The following CSNK2A2IP variants were observed in gnomAD, a reference collection of about 807,000 sequenced individuals.
CSNK2A2IP encodes casein kinase 2 subunit alpha' interacting protein.
the CSNK2A2IP span, among the ~76,000 whole-genome samples, chr3:88,457,706 A>AAAAT: frequency 1.4e-4 from 13 of 93,990 alleles, no homozygotes; most frequent in African/African-American, 4.1e-4. Flanking sequence ...AAAATAAAAT[A>AAAAT]AAATAAAATA....
the CSNK2A2IP span, among the ~76,000 whole-genome samples, chr3:88,447,421 T>C: frequency 6.6e-6 from 1 of 152,140 alleles, no homozygotes; most frequent in Non-Finnish European, 1.5e-5. Flanking sequence ...TGTAAAACTC[T>C]TAAAAATATA....
chr3:88,358,678 G>A, the CSNK2A2IP span, among the ~76,000 whole-genome samples: 4 of 152,140 alleles, frequency 2.6e-5, no homozygotes, highest in Non-Finnish European at 5.9e-5. Flanking sequence ...TTGCATCTCT[G>A]TGATGAATCC....
At chr3:88,357,066 C>T in the CSNK2A2IP span, among the ~76,000 whole-genome samples, 6 of 151,912 alleles carry the variant, frequency 3.9e-5, no homozygotes, top group Non-Finnish European at 8.8e-5. Context: ...TGGGTTGTCT[C>T]TTTATTTTGT....
the CSNK2A2IP span, among the ~76,000 whole-genome samples, chr3:88,396,674 G>C: frequency 3.3e-5 from 5 of 152,224 alleles, no homozygotes; most frequent in Non-Finnish European, 7.3e-5. Flanking sequence ...TTTTGCAGGA[G>C]AGATACCTTA....
chr3:88,422,550 A>G, the CSNK2A2IP span, among the ~76,000 whole-genome samples: 3 of 152,228 alleles, frequency 2.0e-5, no homozygotes, highest in Non-Finnish European at 4.4e-5. Flanking sequence ...TCAGCTTTCT[A>G]TTGTAGGGTC....
chr3:88,435,152 T>C, the CSNK2A2IP span, among the ~76,000 whole-genome samples: 1 of 152,162 alleles, frequency 6.6e-6, no homozygotes, highest in Admixed American at 6.6e-5. Context: ...TCCTACTTTC[T>C]AAATGTAAAT....
chr3:88,373,470 G>A, the CSNK2A2IP span, among the ~76,000 whole-genome samples: 1 of 150,966 alleles, frequency 6.6e-6, no homozygotes, highest in African/African-American at 2.4e-5. Context: ...AAATTTTTTG[G>A]GATATAATAA....
chr3:88,461,381 G>A, the CSNK2A2IP span, among the ~76,000 whole-genome samples: 1 of 151,510 alleles, frequency 6.6e-6, no homozygotes, highest in Non-Finnish European at 1.5e-5. Flanking sequence ...GTGAAACCCC[G>A]TCTCTACTAA....
the CSNK2A2IP span, among the ~76,000 whole-genome samples, chr3:88,381,606 T>C: frequency 6.6e-6 from 1 of 152,134 alleles, no homozygotes; most frequent in African/African-American, 2.4e-5. Flanking sequence ...AGTGAGTGGT[T>C]CTCAAGAGGG....
At chr3:88,393,953 C>T in the CSNK2A2IP span, among the ~76,000 whole-genome samples, 149 of 152,192 alleles carry the variant, frequency 9.8e-4, 1 homozygote, top group African/African-American at 3.3e-3. Flanking sequence ...GGTCTGAAAG[C>T]AGCGCTAGGG....
the CSNK2A2IP span, among the ~76,000 whole-genome samples, chr3:88,385,199 G>A: frequency 5.3e-5 from 8 of 152,146 alleles, no homozygotes; most frequent in South Asian, 8.3e-4. Context: ...GTCGCAGGCC[G>A]AATAGTTAGC....
chr3:88,427,488 A>G, the CSNK2A2IP span, among the ~76,000 whole-genome samples: 2 of 152,234 alleles, frequency 1.3e-5, no homozygotes, highest in African/African-American at 2.4e-5. Context: ...AGGGCGTATC[A>G]GAGACTTCTA....
the CSNK2A2IP span, among the ~76,000 whole-genome samples, chr3:88,407,750 G>A: frequency 6.6e-6 from 1 of 151,002 alleles, no homozygotes; most frequent in South Asian, 2.1e-4. Context: ...TTGAAATGGA[G>A]TCTTGCTCAG....
chr3:88,344,758 T>C, the CSNK2A2IP span, among the ~76,000 whole-genome samples: 15 of 152,058 alleles, frequency 9.9e-5, no homozygotes, highest in African/African-American at 3.4e-4. Context: ...CAGATATCAC[T>C]ACCACATTGT....
the CSNK2A2IP span, among the ~76,000 whole-genome samples, chr3:88,389,656 A>G: frequency 6.6e-6 from 1 of 152,332 alleles, no homozygotes; most frequent in East Asian, 1.9e-4. Flanking sequence ...TAGATGAAAT[A>G]ATCCAGGTTG....
At chr3:88,365,133 C>T in the CSNK2A2IP span, among the ~76,000 whole-genome samples, 1 of 152,034 alleles carries the variant, frequency 6.6e-6, no homozygotes, top group Non-Finnish European at 1.5e-5. Context: ...GACTATATTG[C>T]CAACGAGTTT....
chr3:88,423,879 A>G, the CSNK2A2IP span, among the ~76,000 whole-genome samples: 1 of 152,174 alleles, frequency 6.6e-6, no homozygotes, highest in African/African-American at 2.4e-5. Context: ...AAGGGATTGC[A>G]TACAATGTTT....
chr3:88,398,871 C>T, the CSNK2A2IP span, among the ~76,000 whole-genome samples: 2 of 152,118 alleles, frequency 1.3e-5, no homozygotes, highest in Non-Finnish European at 2.9e-5. Flanking sequence ...ATTTGTGTAG[C>T]TTTCACAGTC....
the CSNK2A2IP span, among the ~76,000 whole-genome samples, chr3:88,394,938 C>T: frequency 4.6e-5 from 7 of 152,078 alleles, no homozygotes; most frequent in Admixed American, 4.6e-4. Context: ...GAGTACTGGG[C>T]TTAACATCTG....
Sources: gnomAD v4.1 joint callset for allele counts (sites outside exome capture counted in the v4.1 genomes callset) on GRCh38, gnomAD v4.1.1 for gene constraint, MANE v1.5 for transcripts, NCBI Gene and HGNC (gene_info 2026-07-23, HGNC 2026-07-21) for gene names.